RBMS1: variants seen among roughly 807,000 people sequenced by gnomAD.
RBMS1 encodes RNA binding motif single stranded interacting protein 1.
A neutral mutation model predicts 62.3 loss-of-function variants in RBMS1; 17 were observed. The observed-to-expected ratio is 0.27, with a 90% CI of 0.19 to 0.41. RBMS1 has a LOEUF of 0.41. Ranked by LOEUF, RBMS1 falls within the 10% of genes least tolerant of loss-of-function variation. RBMS1 has a pLI of 1.00. For synonymous variants in RBMS1, 172 were observed against 170.0 expected (o/e 1.01, Z -0.09); for missense variants, 334 against 504.5 (o/e 0.66, Z 3.24).
chr2:160,345,560 G>A (rs115173995), intron 2 of RBMS1, among the ~76,000 whole-genome samples: 4,678 of 152,270 alleles, frequency 0.031, 101 homozygotes, highest in Non-Finnish European at 0.046. Flanking sequence ...AACCCTTGCT[G>A]GTAACTGGTA....
intron 1 of RBMS1, among the ~76,000 whole-genome samples, chr2:160,376,026 C>T (rs776497118): frequency 6.6e-6 from 1 of 152,086 alleles, no homozygotes; most frequent in Admixed American, 6.5e-5. Context: ...GGGCTGACAA[C>T]TTCCTCCCAG....
chr2:160,314,238 C>T (rs1014011627), intron 3 of RBMS1, among the ~76,000 whole-genome samples: 1 of 152,150 alleles, frequency 6.6e-6, no homozygotes, highest in African/African-American at 2.4e-5. Context: ...TAGAGAATCA[C>T]AGACTTTTCA....
At chr2:160,391,364 C>A (rs543371903) in intron 1 of RBMS1, among the ~76,000 whole-genome samples, 19 of 151,772 alleles carry the variant, frequency 1.3e-4, no homozygotes, top group African/African-American at 4.6e-4. Context: ...TCCCTGGCAC[C>A]TTCAGAGGGA....
chr2:160,441,276 T>C (rs1182991224), intron 1 of RBMS1, among the ~76,000 whole-genome samples: 4 of 152,240 alleles, frequency 2.6e-5, no homozygotes, highest in African/African-American at 9.6e-5. Context: ...TTAATGGACA[T>C]TTGGATTGTT....
At chr2:160,448,303 CTCTCCCG>C (rs1470087775) in intron 1 of RBMS1, among the ~76,000 whole-genome samples, 1 of 151,240 alleles carries the variant, frequency 6.6e-6, no homozygotes, top group Non-Finnish European at 1.5e-5. Flanking sequence ...CCCCCTCCCC[CTCTCCCG>C]TCTCCCTCTT....
chr2:160,331,877 G>A (rs930370053), intron 2 of RBMS1, among the ~76,000 whole-genome samples: 2 of 152,194 alleles, frequency 1.3e-5, no homozygotes, highest in Non-Finnish European at 2.9e-5. Context: ...GGGTCAGGGA[G>A]GGTGCTGCAG....
chr2:160,454,543 G>GTGAGAAT (rs1684135441), intron 1 of RBMS1, among the ~76,000 whole-genome samples: 1 of 152,182 alleles, frequency 6.6e-6, no homozygotes, highest in Non-Finnish European at 1.5e-5. Flanking sequence ...AATTAACCAT[G>GTGAGAAT]TAAAGAATGT....
chr2:160,421,012 G>A (rs1481681466), intron 1 of RBMS1, among the ~76,000 whole-genome samples: 1 of 152,066 alleles, frequency 6.6e-6, no homozygotes, highest in Non-Finnish European at 1.5e-5. Flanking sequence ...TTCCCCGGAT[G>A]GCACAACTTC....
chr2:160,338,031 G>A (rs1420404618), intron 2 of RBMS1, among the ~76,000 whole-genome samples: 1 of 152,146 alleles, frequency 6.6e-6, no homozygotes, highest in African/African-American at 2.4e-5. Context: ...GCAGACACAG[G>A]TAGAAAGCTT....
At chr2:160,418,139 A>G (rs1330463802) in intron 1 of RBMS1, among the ~76,000 whole-genome samples, 1 of 152,226 alleles carries the variant, frequency 6.6e-6, no homozygotes. Context: ...GCCACTGTAC[A>G]CTTCTTGCTG....
chr2:160,433,570 A>G (rs539545718), intron 1 of RBMS1, among the ~76,000 whole-genome samples: 1 of 152,354 alleles, frequency 6.6e-6, no homozygotes, highest in East Asian at 1.9e-4. Flanking sequence ...ACAAACATTA[A>G]GTGACACTGA....
Position 160,303,353 on chromosome 2 carries a change from T to C in RBMS1, c.537A>G (p.Thr179=). 6.2e-7 allele frequency: 1 copy of C among 1,611,072 alleles called. No individual in the cohort carries two copies. Among genetic ancestry groups the C allele is most frequent in the Non-Finnish European group, 8.5e-7 (1 of 1,178,902 alleles). ...STRILRDSSG[T]SRGVGFARME... Reference sequence around the variant, plus strand: ...ACCTAGCAAAGCCAACACCACGACTTGTACCACTGGAATCACGTAGTATCC... The same window carrying C: ...ACCTAGCAAAGCCAACACCACGACTCGTACCACTGGAATCACGTAGTATCC... Residue 179 remains threonine, a synonymous_variant, in exon 5 of 14, where the codon ACA becomes ACG. Transcript: ENST00000348849.
At chr2:160,335,044 C>T (rs1691492428) in intron 2 of RBMS1, among the ~76,000 whole-genome samples, 1 of 151,880 alleles carries the variant, frequency 6.6e-6, no homozygotes. Context: ...TTCCAATCAA[C>T]CCTGCAGAAG....
rs1559361057 is a variant in RBMS1, at chr2:160,311,222, ATCTATC to A, written c.402+1928_402+1933del. Among the ~76,000 whole-genome samples the A allele has an allele frequency of 3.0e-4, 23 of 75,500 alleles. 1 individual carries two copies. Among genetic ancestry groups the A allele is most frequent in the Admixed American group, 9.5e-4 (6 of 6,308 alleles). The allele number at this position is 75,500 out of a possible 152,430, so 49.5% of individuals were successfully genotyped here. On this transcript the variant is annotated intron_variant, in intron 4 of 13. Transcript: ENST00000348849. ...AAAAAAAAAAAAAATCTATCTATCT[ATCTATC>A]TATCTATATATATATATATATATAT...
At chr2:160,330,923 T>C (rs572721646) in intron 2 of RBMS1, among the ~76,000 whole-genome samples, 44 of 152,260 alleles carry the variant, frequency 2.9e-4, no homozygotes, top group African/African-American at 8.7e-4. Flanking sequence ...AGTGTGACTA[T>C]TGTCCTCATA....
intron 2 of RBMS1, among the ~76,000 whole-genome samples, chr2:160,322,158 G>A (rs1559378409): frequency 1.3e-5 from 2 of 152,282 alleles, no homozygotes; most frequent in Non-Finnish European, 2.9e-5. Context: ...TTATGAGGTA[G>A]GTGTTATTAT....
chr2:160,322,288 T>A (rs1439466700), intron 2 of RBMS1, among the ~76,000 whole-genome samples: 1 of 152,196 alleles, frequency 6.6e-6, no homozygotes, highest in Non-Finnish European at 1.5e-5. Flanking sequence ...ATGAAATGAT[T>A]TTGAGAAACA....
chr2:160,300,043 G>T, intron 6 of RBMS1, among the ~76,000 whole-genome samples: 1 of 152,180 alleles, frequency 6.6e-6, no homozygotes, highest in East Asian at 1.9e-4. Flanking sequence ...TGCCACTTAA[G>T]AAATGATTTT....
intron 1 of RBMS1, among the ~76,000 whole-genome samples, chr2:160,425,236 A>C (rs940719311): frequency 6.6e-6 from 1 of 152,196 alleles, no homozygotes; most frequent in Non-Finnish European, 1.5e-5. Context: ...TCTGTAAATA[A>C]ATAATTTCTT....
Sources: allele counts gnomAD v4.1 joint callset (sites outside exome capture counted in the v4.1 genomes callset), GRCh38; gene constraint gnomAD v4.1.1; transcripts MANE v1.5; gene names NCBI Gene and HGNC (gene_info 2026-07-23, HGNC 2026-07-21).